Variants in NTM observed in about 807,000 individuals in gnomAD.
The protein encoded by NTM is IgLON family member 2.
Under a neutral mutation model 42.1 loss-of-function variants are expected in NTM, and 13 were observed. That is an observed-to-expected ratio of 0.31 (90% CI 0.20 to 0.49). NTM has a LOEUF of 0.49. Ranked by LOEUF, NTM falls within the 20% of genes least tolerant of loss-of-function variation. NTM has a pLI of 0.99. For synonymous variants in NTM, 187 were observed against 179.2 expected (o/e 1.04, Z -0.35); for missense variants, 373 against 452.8 (o/e 0.82, Z 1.60).
chr11:131,677,922 G>C (rs2658827), intron 1 of NTM, among the ~76,000 whole-genome samples: 2 of 151,982 alleles, frequency 1.3e-5, no homozygotes, highest in Admixed American at 1.3e-4. Context: ...AAAGTCACAG[G>C]GTTGATTTGA....
At chr11:131,916,114 T>C (rs2056313913) in intron 2 of NTM, among the ~76,000 whole-genome samples, 1 of 152,220 alleles carries the variant, frequency 6.6e-6, no homozygotes, top group Non-Finnish European at 1.5e-5. Context: ...ACGCTGTCCG[T>C]GGCTGGAGCA....
At chr11:132,144,758 A>G (rs1457835216) in intron 2 of NTM, among the ~76,000 whole-genome samples, 1 of 152,182 alleles carries the variant, frequency 6.6e-6, no homozygotes, top group African/African-American at 2.4e-5. Context: ...CTGTATCAGG[A>G]TGGTGCCAGA....
intron 4 of NTM, among the ~76,000 whole-genome samples, chr11:132,274,391 C>A (rs2093627591): frequency 6.6e-6 from 1 of 151,774 alleles, no homozygotes; most frequent in Non-Finnish European, 1.5e-5. Context: ...TGCTGCATCC[C>A]AAAAGTTTTT....
At chr11:131,688,378 A>G (rs1001567923) in intron 1 of NTM, among the ~76,000 whole-genome samples, 1 of 152,246 alleles carries the variant, frequency 6.6e-6, no homozygotes, top group African/African-American at 2.4e-5. Context: ...TAACTCAGAA[A>G]AACCTTGTTA....
intron 2 of NTM, among the ~76,000 whole-genome samples, chr11:131,912,582 T>C (rs1043581394): frequency 7.9e-5 from 12 of 152,230 alleles, no homozygotes; most frequent in Admixed American, 7.9e-4. Context: ...TTTTATTCTC[T>C]GGGATTTTAT....
intron 4 of NTM, among the ~76,000 whole-genome samples, chr11:132,264,295 A>G (rs1395822496): frequency 6.6e-6 from 1 of 152,054 alleles, no homozygotes; most frequent in Non-Finnish European, 1.5e-5. Flanking sequence ...GGATATTTGT[A>G]TTTCTTCTGT....
intron 1 of NTM, among the ~76,000 whole-genome samples, chr11:131,766,026 G>A (rs920868380): frequency 2.0e-5 from 3 of 152,188 alleles, no homozygotes; most frequent in Non-Finnish European, 4.4e-5. Context: ...TATAATGGGT[G>A]AGGCAGCTGG....
intron 2 of NTM, among the ~76,000 whole-genome samples, chr11:131,998,649 G>A (rs928763038): frequency 2.6e-5 from 4 of 152,080 alleles, no homozygotes; most frequent in Admixed American, 2.0e-4. Flanking sequence ...GGTCACCCTG[G>A]CCACAGGTAC....
At chr11:131,540,395 G>A (rs932209709) in intron 1 of NTM, 5 of 152,084 alleles carry the variant, frequency 3.3e-5, no homozygotes, top group African/African-American at 1.2e-4. Flanking sequence ...TCAAACTCCT[G>A]ACCTCATGAT....
At chr11:131,667,172 C>T (rs1475547958) in intron 1 of NTM, among the ~76,000 whole-genome samples, 1 of 152,140 alleles carries the variant, frequency 6.6e-6, no homozygotes, top group Non-Finnish European at 1.5e-5. Context: ...CTTCTTTTTC[C>T]CTTAAAGAGG....
intron 1 of NTM, among the ~76,000 whole-genome samples, chr11:131,382,247 G>A (rs1942778076): frequency 6.6e-6 from 1 of 152,156 alleles, no homozygotes; most frequent in South Asian, 2.1e-4. Context: ...TCTTGACTGG[G>A]AGACTGGGAT....
chr11:131,453,267 G>T (rs986745339), intron 1 of NTM, among the ~76,000 whole-genome samples: 41 of 152,180 alleles, frequency 2.7e-4, no homozygotes, highest in Admixed American at 2.3e-3. Flanking sequence ...GAAGAAGAAA[G>T]AAATGTCTTC....
At chr11:132,034,193 G>T (rs1463412931) in intron 2 of NTM, among the ~76,000 whole-genome samples, 1 of 151,954 alleles carries the variant, frequency 6.6e-6, no homozygotes, top group Non-Finnish European at 1.5e-5. Context: ...ATGCTTCAAG[G>T]TCTGGGAATT....
intron 2 of NTM, among the ~76,000 whole-genome samples, chr11:132,078,017 T>G (rs78132619): frequency 6.6e-6 from 1 of 152,154 alleles, no homozygotes; most frequent in Non-Finnish European, 1.5e-5. Flanking sequence ...AAAATAGAAA[T>G]GTATAAAAGG....
At chr11:131,752,194 T>G (rs2082645078) in intron 1 of NTM, among the ~76,000 whole-genome samples, 1 of 152,130 alleles carries the variant, frequency 6.6e-6, no homozygotes, top group Non-Finnish European at 1.5e-5. Context: ...CTTTGAAAAG[T>G]TGTATGTTTT....
intron 1 of NTM, among the ~76,000 whole-genome samples, chr11:131,402,819 A>G (rs538714962): frequency 6.6e-6 from 1 of 152,326 alleles, no homozygotes; most frequent in South Asian, 2.1e-4. Flanking sequence ...AGTACCCTAG[A>G]GATGCTCCAT....
At chr11:131,716,650 G>A (rs909467347) in intron 1 of NTM, among the ~76,000 whole-genome samples, 4 of 152,096 alleles carry the variant, frequency 2.6e-5, no homozygotes, top group Non-Finnish European at 5.9e-5. Context: ...CCAACCATGT[G>A]TCTTTTTTGG....
chr11:131,547,991 C>T (rs1258005680), intron 1 of NTM, among the ~76,000 whole-genome samples: 1 of 152,168 alleles, frequency 6.6e-6, no homozygotes. Context: ...AGAGCAGGAA[C>T]TTGCAAGGAG....
rs199821939 is a variant in NTM, at chr11:131,598,683, T to TTTTCTTTCTTTC, written c.82+227858_82+227869dup. The stretch of plus-strand genomic sequence containing the variant: ...AGAACTACTACTCTCTTCTCATTTG[T>TTTTCTTTCTTTC]TTTCTTTCTTTCTTTCTTTCTTTCT... On this transcript the variant is annotated intron_variant, in intron 1 of 8. Transcript: ENST00000683400. Among the ~76,000 whole-genome samples, 80 of 74,868 alleles carry TTTTCTTTCTTTC rather than the reference T, an allele frequency of 1.1e-3. 8 individuals are homozygous for TTTTCTTTCTTTC. Among genetic ancestry groups the TTTTCTTTCTTTC allele is most frequent in the East Asian group, 3.7e-3 (8 of 2,160 alleles). 49.1% of individuals were successfully genotyped at this position (74,868 alleles called of 152,430 possible).
Sources: gnomAD v4.1 joint callset for allele counts (sites outside exome capture counted in the v4.1 genomes callset) on GRCh38, gnomAD v4.1.1 for gene constraint, MANE v1.5 for transcripts, NCBI Gene and HGNC (gene_info 2026-07-23, HGNC 2026-07-21) for gene names.